Variants in RCBTB1 observed in about 807,000 individuals in gnomAD.
The protein encoded by RCBTB1 is RCC1 and BTB domain-containing protein 1.
A neutral mutation model predicts 62.4 loss-of-function variants in RCBTB1; 46 were observed. That is an observed-to-expected ratio of 0.74 (90% confidence interval 0.58 to 0.94). RCBTB1 has a LOEUF of 0.94. RCBTB1 is among the 40% of genes least tolerant of loss of function. The pLI is 0.00. For synonymous variants in RCBTB1, 222 were observed against 245.8 expected (o/e 0.90, Z 0.91); for missense variants, 565 against 654.9 (o/e 0.86, Z 1.50).
intron 1 of RCBTB1, among the ~76,000 whole-genome samples, chr13:49,582,213 GCAGTGGCTCATGCCTGTAATCCCAGCA>G (rs1964142989): frequency 6.6e-6 from 1 of 152,148 alleles, no homozygotes; most frequent in African/African-American, 2.4e-5. Context: ...AGCGCCGGGC[GCAGTGGCTCATGCCTGTAATCCCAGCA>G]CTTTGGGAGG....
chr13:49,555,450 G>T, intron 6 of RCBTB1, 65 bp downstream of exon 6: 1 of 1,328,508 alleles, frequency 7.5e-7, no homozygotes, highest in Non-Finnish European at 1.1e-6. Context: ...CATTCACCTT[G>T]TGAAGAAACT....
chr13:49,550,203 T>A (rs1045970229), intron 8 of RCBTB1, among the ~76,000 whole-genome samples: 1 of 152,070 alleles, frequency 6.6e-6, no homozygotes, highest in Non-Finnish European at 1.5e-5. Flanking sequence ...GGTCACCAAC[T>A]CCTGGGCTCA....
chr13:49,572,484 G>A (rs1963471729), intron 2 of RCBTB1, among the ~76,000 whole-genome samples: 1 of 152,132 alleles, frequency 6.6e-6, no homozygotes, highest in South Asian at 2.1e-4. Context: ...GAATATAAAT[G>A]TAGTTCAACT....
rs995537445 is a variant in RCBTB1, at chr13:49,580,521, G to A, written c.-58C>T. The A allele has an allele frequency of 3.3e-5, 5 of 152,362 alleles. No individual in the cohort carries two copies. Among genetic ancestry groups the A allele is most frequent in the African/African-American group, 1.2e-4 (5 of 41,468 alleles). 9.4% of individuals were successfully genotyped at this position (152,362 alleles called of 1,614,324 possible). A position where few individuals can be genotyped will look rare whatever the true frequency, so the allele number is the denominator to read the frequency against. On this transcript the variant is annotated 5_prime_UTR_variant, in exon 2 of 13. Coordinates refer to ENST00000378302, the MANE Select transcript of RCBTB1 (RefSeq NM_018191.4). ...GAGGATCACCTGAGTCCAGGAGGTT[G>A]AGGCTGCAGTGAGCCGTGTTCACAC...
chr13:49,561,117 G>A (rs1962400153), intron 4 of RCBTB1, among the ~76,000 whole-genome samples: 1 of 152,168 alleles, frequency 6.6e-6, no homozygotes, highest in South Asian at 2.1e-4. Flanking sequence ...GCCAAGGGCA[G>A]GTCTCCCAGA....
At chr13:49,559,263 G>A (rs1177971812) in intron 5 of RCBTB1, among the ~76,000 whole-genome samples, 3 of 152,214 alleles carry the variant, frequency 2.0e-5, no homozygotes, top group South Asian at 2.1e-4. Context: ...GAACCTTGAG[G>A]ATATTATGCT....
At position 49,567,284 on chromosome 13, in the gene RCBTB1, C is replaced by T; in HGVS notation, c.-5G>A. The stretch of plus-strand genomic sequence containing the variant: ...CCACTTTCCGACATCCACCATGACT[C>T]TGGCTTCAAGCAATTCCTATAAATA... On this transcript the variant is annotated 5_prime_UTR_variant, in exon 3 of 13. Transcript: ENST00000378302. The T allele has an allele frequency of 6.2e-7, 1 of 1,613,804 alleles. No homozygotes were observed. The highest frequency in any genetic ancestry group is 8.5e-7 in the Non-Finnish European group (1 of 1,179,898).
chr13:49,583,636 T>TC (rs1204311387), intron 1 of RCBTB1, among the ~76,000 whole-genome samples: 1 of 151,964 alleles, frequency 6.6e-6, no homozygotes, highest in Admixed American at 6.6e-5. Context: ...AACCTCTGCC[T>TC]CCCCAGGTCA....
chr13:49,557,632 A>G (rs906883535), intron 5 of RCBTB1, among the ~76,000 whole-genome samples: 3 of 152,012 alleles, frequency 2.0e-5, no homozygotes, highest in African/African-American at 7.2e-5. Flanking sequence ...TAAAAAATGA[A>G]CTCTAGGTTG....
intron 2 of RCBTB1, among the ~76,000 whole-genome samples, chr13:49,571,101 C>T (rs1012150091): frequency 2.0e-5 from 3 of 152,302 alleles, no homozygotes; most frequent in South Asian, 4.1e-4. Context: ...AATCCCAGCA[C>T]TTTGAGAGGC....
rs1359922375 is a variant in RCBTB1 at position 49,552,270 on chromosome 13, A to G, written c.619T>C (p.Tyr207His). The stretch of plus-strand genomic sequence containing the variant: ...AGGCCCAGCTGACCGTTGCCATTGT[A>G]ACCCCAGCCATATACCTTAGAGAGG... ...LDNGEVYGWG[Y>H]NGNGQLGLGN... is the part of the protein sequence containing the mutation. Residue 207 changes from tyrosine (Y) to histidine (H), a missense_variant, in exon 7 of 13, where the codon TAC becomes CAC. Transcript: ENST00000378302. The G allele has an allele frequency of 6.2e-7, 1 of 1,601,028 alleles. No homozygotes were observed. The highest frequency in any genetic ancestry group is 1.3e-5 in the African/African-American group (1 of 74,868).
rs902074217 is a variant in RCBTB1 at position 49,532,528 on chromosome 13, T to C, written c.*1594A>G. On this transcript the variant is annotated 3_prime_UTR_variant, in exon 13 of 13. Coordinates refer to ENST00000378302, the MANE Select transcript of RCBTB1 (RefSeq NM_018191.4). ...GAAGCTAGTAAGAAAAGTTCTATCA[T>C]GTTGTAGAACGAATTCTAACCGACT... The C allele has an allele frequency of 1.3e-5, 2 of 152,614 alleles. No individual in the cohort carries two copies. Among genetic ancestry groups the C allele is most frequent in the African/African-American group, 2.4e-5 (1 of 41,444 alleles). 9.5% of individuals were successfully genotyped at this position (152,614 alleles called of 1,614,324 possible). A position where few individuals can be genotyped will look rare whatever the true frequency, so the allele number is the denominator to read the frequency against.
chr13:49,577,092 C>T (rs1020448432), intron 2 of RCBTB1, among the ~76,000 whole-genome samples: 1 of 152,216 alleles, frequency 6.6e-6, no homozygotes, highest in African/African-American at 2.4e-5. Context: ...GGCACTGTCC[C>T]TCAGAGAACT....
intron 2 of RCBTB1, among the ~76,000 whole-genome samples, chr13:49,579,085 T>C (rs1394032255): frequency 2.0e-5 from 3 of 152,256 alleles, no homozygotes; most frequent in Admixed American, 6.5e-5. Flanking sequence ...TTTTTGAGAC[T>C]GAGCAAATGC....
intron 12 of RCBTB1, among the ~76,000 whole-genome samples, chr13:49,534,507 C>T (rs538682602): frequency 1.2e-4 from 18 of 151,180 alleles, no homozygotes; most frequent in African/African-American, 4.1e-4. Flanking sequence ...AAAACACACA[C>T]GCGCGCGCAC....
At chr13:49,564,067 G>A (rs1277855861) in intron 4 of RCBTB1, among the ~76,000 whole-genome samples, 1 of 152,216 alleles carries the variant, frequency 6.6e-6, no homozygotes, top group Non-Finnish European at 1.5e-5. Context: ...TTTTCAGAGA[G>A]TGTTGGGTGC....
Position 49,539,092 on chromosome 13 carries a change from A to T in RCBTB1, c.1455+1784T>A, listed in dbSNP as rs1209303277. ...ACCATGTTGGCCAGGCTGGTCTCAAACTCCTGATCTCAAGTGGCCCACCTT... is the reference window on the plus strand; with the variant it reads ...ACCATGTTGGCCAGGCTGGTCTCAATCTCCTGATCTCAAGTGGCCCACCTT... On this transcript the variant is annotated intron_variant, in intron 12 of 12. Transcript: ENST00000378302. Among the ~76,000 whole-genome samples, 20 of 150,432 alleles carry T rather than the reference A, an allele frequency of 1.3e-4. No individual in the cohort carries two copies. The South Asian group carries it at 1.7e-3, about 13-fold the overall frequency.
chr13:49,556,197 T>G (rs1961847189), intron 5 of RCBTB1, among the ~76,000 whole-genome samples: 1 of 79,222 alleles, frequency 1.3e-5, no homozygotes. Flanking sequence ...TTTGCTTTGG[T>G]TTTTTTTTTT....
At chr13:49,548,795 G>A (rs1206532363) in intron 9 of RCBTB1, among the ~76,000 whole-genome samples, 1 of 151,000 alleles carries the variant, frequency 6.6e-6, no homozygotes, top group African/African-American at 2.5e-5. Context: ...GGGGTTGGGG[G>A]GAGAGGAGAA....
Sources: gnomAD v4.1 joint callset for allele counts (sites outside exome capture counted in the v4.1 genomes callset) on GRCh38, gnomAD v4.1.1 for gene constraint, MANE v1.5 for transcripts, NCBI Gene and HGNC (gene_info 2026-07-23, HGNC 2026-07-21) for gene names.